COLEC11: variants seen among roughly 807,000 people sequenced by gnomAD.
COLEC11 encodes the protein collectin subfamily member 11.
Under a neutral mutation model 27.3 loss-of-function variants are expected in COLEC11, and 20 were observed. The ratio of observed to expected loss-of-function variants is 0.73; its 90% confidence interval spans 0.51 to 1.06. The LOEUF is 1.06. Ranked by LOEUF, COLEC11 falls within the 50% of genes least tolerant of loss-of-function variation. The pLI is 0.00. For synonymous variants in COLEC11, 163 were observed against 154.7 expected (o/e 1.05, Z -0.40); for missense variants, 310 against 383.0 (o/e 0.81, Z 1.59).
chr2:3,604,501 G>A (rs1255661170), intron 2 of COLEC11, 31 bp downstream of exon 2: 2 of 1,612,544 alleles, frequency 1.2e-6, no homozygotes, highest in African/African-American at 1.3e-5. Context: ...GGGCTGCTGG[G>A]CAGTGGCCTC....
chr2:3,632,794 C>G (rs546832033), intron 3 of COLEC11, among the ~76,000 whole-genome samples: 65 of 152,224 alleles, frequency 4.3e-4, no homozygotes, highest in African/African-American at 1.5e-3. Context: ...AGCAGAATCC[C>G]GGGACCCCCA....
chr2:3,605,812 C>G (rs976760731), intron 2 of COLEC11: 1 of 350,712 alleles, frequency 2.9e-6, no homozygotes, highest in Non-Finnish European at 5.3e-6. Flanking sequence ...ATGAAAAGGT[C>G]AGCCCTCTCC....
intron 3 of COLEC11, among the ~76,000 whole-genome samples, chr2:3,634,217 C>G (rs1558514145): frequency 1.3e-5 from 2 of 152,180 alleles, no homozygotes. Flanking sequence ...TCCGAGGAAC[C>G]AAGACACTCC....
intron 3 of COLEC11, among the ~76,000 whole-genome samples, chr2:3,634,928 T>A (rs1665274288): frequency 6.6e-6 from 1 of 151,906 alleles, no homozygotes; most frequent in Non-Finnish European, 1.5e-5. Context: ...CCAGCGATAG[T>A]GCCTCTCACC....
intron 1 of COLEC11, among the ~76,000 whole-genome samples, chr2:3,595,678 C>G (rs1661794771): frequency 6.6e-6 from 1 of 152,052 alleles, no homozygotes; most frequent in South Asian, 2.1e-4. Flanking sequence ...TGGCAACTTT[C>G]CAGGGAAAGA....
intron 1 of COLEC11, among the ~76,000 whole-genome samples, chr2:3,598,711 C>T (rs1184925365): frequency 6.6e-6 from 1 of 151,224 alleles, no homozygotes; most frequent in Non-Finnish European, 1.5e-5. Context: ...TGGAGGCGGA[C>T]CGTGGGTGAG....
chr2:3,605,787 C>A (rs185257177), intron 2 of COLEC11: 14 of 285,656 alleles, frequency 4.9e-5, no homozygotes, highest in African/African-American at 3.0e-4. Flanking sequence ...CCCTGCTCAG[C>A]CCGTGTTGTA....
At chr2:3,605,702 G>A in intron 2 of COLEC11, 1 of 208,162 alleles carries the variant, frequency 4.8e-6, no homozygotes, top group Non-Finnish European at 9.8e-6. Flanking sequence ...TGGAGCGTCT[G>A]CGGCTCTTTT....
chr2:3,599,997 AG>A (rs1180626609), intron 1 of COLEC11, among the ~76,000 whole-genome samples: 1 of 152,212 alleles, frequency 6.6e-6, no homozygotes. Context: ...GCACTTTGGG[AG>A]GCCGAGGTGG....
chr2:3,613,163 G>A, intron 2 of COLEC11, 148 bp from the exon 3 acceptor site: 5 of 808,720 alleles, frequency 6.2e-6, no homozygotes, highest in South Asian at 4.4e-5. Flanking sequence ...CGGCTGGGCT[G>A]CAGGCGGGGA....
intron 5 of COLEC11, among the ~76,000 whole-genome samples, chr2:3,641,894 T>C (rs1318661663): frequency 1.3e-5 from 2 of 151,960 alleles, no homozygotes; most frequent in Non-Finnish European, 2.9e-5. Flanking sequence ...ACCGCAGCGA[T>C]GGGGGTGGAT....
chr2:3,613,306 C>T lies in COLEC11; in HGVS notation c.131-5C>T, dbSNP rs1254670099. On this transcript the variant is annotated splice_region_variant and splice_polypyrimidine_tract_variant and intron_variant, in intron 2 of 6. Transcript: ENST00000349077. ...GCTGCTAAATGGATGTGACTTCTTC[C>T]ACAGGGGATGCGGGAGAGAAGGGAG... 2 of 1,608,692 alleles carry T rather than the reference C, an allele frequency of 1.2e-6. No homozygotes were observed. Among genetic ancestry groups the T allele is most frequent in the Admixed American group, 1.7e-5 (1 of 59,260 alleles).
intron 3 of COLEC11, among the ~76,000 whole-genome samples, chr2:3,632,064 C>T (rs1430136179): frequency 2.6e-5 from 4 of 152,330 alleles, no homozygotes; most frequent in Non-Finnish European, 4.4e-5. Context: ...TCAGTGTGCG[C>T]TCGCGCTCCT....
At chr2:3,617,680 C>G in intron 3 of COLEC11, 1 of 1,611,710 alleles carries the variant, frequency 6.2e-7, no homozygotes, top group Non-Finnish European at 8.5e-7. Context: ...GTTTGTCAGA[C>G]ATGGTTGTGG....
chr2:3,634,300 T>A (rs1438921144), intron 3 of COLEC11, among the ~76,000 whole-genome samples: 1 of 152,108 alleles, frequency 6.6e-6, no homozygotes, highest in Non-Finnish European at 1.5e-5. Context: ...AAGGGAAGAT[T>A]TCAGACAGAT....
At position 3,643,770 on chromosome 2, in the gene COLEC11, G is replaced by A; in HGVS notation, c.468G>A (p.Leu156=). The part of the protein sequence containing the change: ...VRETESKIYL[L]VKEEKRYADA... ...AGACGGAGAGCAAGATCTACCTGCT[G>A]GTGAAGGAGGAGAAGCGCTACGCGG... Residue 156 remains leucine (L), a synonymous_variant, in exon 7 of 7, where the codon CTG becomes CTA. Transcript: ENST00000349077. The A allele has an allele frequency of 1.9e-6, 3 of 1,613,636 alleles. No homozygotes were observed. Among genetic ancestry groups the A allele is most frequent in the Non-Finnish European group, 2.5e-6 (3 of 1,179,942 alleles).
chr2:3,611,649 C>G (rs1262686549), intron 2 of COLEC11, among the ~76,000 whole-genome samples: 2 of 152,114 alleles, frequency 1.3e-5, no homozygotes, highest in Non-Finnish European at 2.9e-5. Flanking sequence ...TGGGTCAGCC[C>G]AGGGGCAGCC....
intron 3 of COLEC11, among the ~76,000 whole-genome samples, chr2:3,628,292 G>A (rs1158174700): frequency 6.6e-6 from 1 of 152,258 alleles, no homozygotes; most frequent in African/African-American, 2.4e-5. Context: ...TCTGTGGGAC[G>A]AGGCTTCCGG....
intron 3 of COLEC11, among the ~76,000 whole-genome samples, chr2:3,620,544 A>G (rs1464051738): frequency 6.6e-6 from 1 of 150,952 alleles, no homozygotes; most frequent in Non-Finnish European, 1.5e-5. Flanking sequence ...CTCTTTGATT[A>G]TTTCTGCTCT....
Sources: allele counts gnomAD v4.1 joint callset (sites outside exome capture counted in the v4.1 genomes callset), GRCh38; gene constraint gnomAD v4.1.1; transcripts MANE v1.5; gene names NCBI Gene and HGNC (gene_info 2026-07-23, HGNC 2026-07-21).